DIS3L2: variants seen among roughly 807,000 people sequenced by gnomAD.
DIS3L2 encodes DIS3 like 3'-5' exoribonuclease 2, also known as DIS3-like exonuclease 2.
Under a neutral mutation model 97.5 loss-of-function variants are expected in DIS3L2, and 34 were observed. The observed-to-expected ratio is 0.35, with a 90% CI of 0.27 to 0.46. DIS3L2 has a LOEUF of 0.46. Ranked by LOEUF, DIS3L2 falls within the 20% of genes least tolerant of loss-of-function variation. The pLI, the probability that DIS3L2 is intolerant of heterozygous loss-of-function variation, is 1.00. For missense variants in DIS3L2, 1,038 were observed against 1,146.0 expected, an observed-to-expected ratio of 0.91 and a Z score of 1.36; for synonymous variants, 435 against 445.2, an observed-to-expected ratio of 0.98 and a Z score of 0.29.
intron 13 of DIS3L2, among the ~76,000 whole-genome samples, chr2:232,295,093 A>G (rs1240979738): frequency 2.0e-5 from 3 of 152,030 alleles, no homozygotes; most frequent in Admixed American, 2.0e-4. Flanking sequence ...TCTTCACACT[A>G]ATGTCTAAGT....
intron 11 of DIS3L2, among the ~76,000 whole-genome samples, chr2:232,239,235 G>T (rs749262553): frequency 1.4e-4 from 22 of 152,134 alleles, no homozygotes; most frequent in Admixed American, 2.6e-4. Context: ...TGAAATGAAG[G>T]GACTGGACAG....
chr2:232,077,892 A>G (rs1467923312), intron 5 of DIS3L2, among the ~76,000 whole-genome samples: 2 of 151,744 alleles, frequency 1.3e-5, no homozygotes, highest in Non-Finnish European at 2.9e-5. Context: ...ATCCTTCAGC[A>G]CCAGGCCCTT....
chr2:232,045,742 T>C (rs1021633462), intron 5 of DIS3L2, among the ~76,000 whole-genome samples: 1 of 148,152 alleles, frequency 6.7e-6, no homozygotes, highest in African/African-American at 2.5e-5. Context: ...TGGTGCGATC[T>C]CGGCTCACTG....
At chr2:232,049,172 T>A (rs1695331791) in intron 5 of DIS3L2, among the ~76,000 whole-genome samples, 2 of 152,206 alleles carry the variant, frequency 1.3e-5, no homozygotes, top group African/African-American at 4.8e-5. Flanking sequence ...TAGGACATTT[T>A]AATTTTTTAT....
intron 1 of DIS3L2, among the ~76,000 whole-genome samples, chr2:232,001,430 C>T (rs1693899199): frequency 6.6e-6 from 1 of 151,872 alleles, no homozygotes. Context: ...TGTTTGAGTT[C>T]CTTGTGCATT....
At position 232,238,663 on chromosome 2, in the gene DIS3L2, G is replaced by A; in HGVS notation, c.1317+18G>A. 6.3e-7 allele frequency: 1 copy of A among 1,598,480 alleles called. No individual in the cohort carries two copies. Among genetic ancestry groups the A allele is most frequent in the East Asian group, 2.2e-5 (1 of 44,714 alleles). ...TTCAAAAGGTAAAAATCCATCTCTA[G>A]TTTCTTTTTTCTTGCTTTGTTTATT... On this transcript the variant is annotated intron_variant, in intron 11 of 20. Coordinates refer to ENST00000325385, the MANE Select transcript of DIS3L2 (RefSeq NM_152383.5).
At chr2:231,996,413 G>T (rs944697298) in intron 1 of DIS3L2, among the ~76,000 whole-genome samples, 1 of 152,138 alleles carries the variant, frequency 6.6e-6, no homozygotes, top group Non-Finnish European at 1.5e-5. Context: ...CTCAGGTGAG[G>T]TCATCAGAAG....
intron 1 of DIS3L2, among the ~76,000 whole-genome samples, chr2:231,981,632 ATATAT>A (rs1385992674): frequency 1.4e-5 from 2 of 140,128 alleles, no homozygotes; most frequent in Admixed American, 7.1e-5. Flanking sequence ...ATATATATAT[ATATAT>A]GAGACATATT....
chr2:232,036,543 C>T (rs554108479), intron 5 of DIS3L2, among the ~76,000 whole-genome samples: 20 of 152,292 alleles, frequency 1.3e-4, no homozygotes, highest in East Asian at 3.9e-4. Context: ...ACTCATTCTC[C>T]GTCCAGTTTT....
At chr2:232,256,685 C>T (rs2106273014) in intron 12 of DIS3L2, among the ~76,000 whole-genome samples, 1 of 152,308 alleles carries the variant, frequency 6.6e-6, no homozygotes, top group Admixed American at 6.5e-5. Flanking sequence ...TAGCCAACTT[C>T]AACTGCTGAG....
chr2:232,214,948 G>A (rs1021977867), intron 10 of DIS3L2, among the ~76,000 whole-genome samples: 13 of 152,248 alleles, frequency 8.5e-5, no homozygotes, highest in South Asian at 6.2e-4. Flanking sequence ...ACCCTAGCCC[G>A]GCCTTAGAAA....
chr2:232,333,764 T>TC, intron 16 of DIS3L2, 76 bp from the exon 17 acceptor site: 45 of 1,444,444 alleles, frequency 3.1e-5, no homozygotes, highest in Admixed American at 1.4e-4. Context: ...ACGGTGAGGC[T>TC]GTGGGTGGTG....
At chr2:232,186,280 G>A (rs1691429806) in intron 9 of DIS3L2, among the ~76,000 whole-genome samples, 1 of 152,148 alleles carries the variant, frequency 6.6e-6, no homozygotes, top group Non-Finnish European at 1.5e-5. Context: ...ACATACAAAT[G>A]GTTTTTCAAG....
At chr2:232,155,326 C>T (rs562404273) in intron 8 of DIS3L2, among the ~76,000 whole-genome samples, 21 of 152,214 alleles carry the variant, frequency 1.4e-4, no homozygotes, top group African/African-American at 5.1e-4. Flanking sequence ...TTTGTCCTCC[C>T]TCCTCCTCAC....
intron 9 of DIS3L2, among the ~76,000 whole-genome samples, chr2:232,190,662 G>A (rs1010675153): frequency 6.6e-6 from 1 of 152,044 alleles, no homozygotes; most frequent in Non-Finnish European, 1.5e-5. Context: ...AAGAAGGCAG[G>A]CCTGGCATTC....
At chr2:232,236,814 C>T (rs969178862) in intron 10 of DIS3L2, among the ~76,000 whole-genome samples, 4 of 152,170 alleles carry the variant, frequency 2.6e-5, no homozygotes, top group African/African-American at 9.6e-5. Flanking sequence ...TGCAGTGGCA[C>T]AATCTCAGCT....
chr2:232,075,657 C>T (rs1215314254), intron 5 of DIS3L2, among the ~76,000 whole-genome samples: 1 of 152,206 alleles, frequency 6.6e-6, no homozygotes, highest in Non-Finnish European at 1.5e-5. Context: ...CTCGAGTCAT[C>T]TGAAGGCTAC....
chr2:232,141,612 T>C (rs1342321794), intron 8 of DIS3L2, among the ~76,000 whole-genome samples: 4 of 151,786 alleles, frequency 2.6e-5, no homozygotes, highest in Non-Finnish European at 5.9e-5. Flanking sequence ...CTTTAATGAG[T>C]GTGAAGGACA....
At chr2:232,186,398 T>C (rs1043212114) in intron 9 of DIS3L2, among the ~76,000 whole-genome samples, 14 of 152,196 alleles carry the variant, frequency 9.2e-5, no homozygotes, top group Non-Finnish European at 1.6e-4. Context: ...ATTAAAAATA[T>C]TGAATTCATA....
Sources: allele counts gnomAD v4.1 joint callset (sites outside exome capture counted in the v4.1 genomes callset), GRCh38; gene constraint gnomAD v4.1.1; transcripts MANE v1.5; gene names NCBI Gene and HGNC (gene_info 2026-07-23, HGNC 2026-07-21).